Variants in KIFC2 observed in about 807,000 individuals in gnomAD.
The protein encoded by KIFC2 is kinesin-like protein KIFC2.
A neutral mutation model predicts 91.5 loss-of-function variants in KIFC2; 94 were observed. The observed-to-expected ratio is 1.03, with a 90% CI of 0.87 to 1.22. The LOEUF (loss-of-function observed/expected upper bound fraction) is 1.22. Among genes scored for constraint, KIFC2 ranks in the 50% most tolerant of loss-of-function variants. KIFC2 has a pLI of 0.00. For missense variants in KIFC2, 1,357 were observed against 1,103.3 expected (o/e 1.23, Z -3.26); for synonymous variants, 729 against 503.9 (o/e 1.45, Z -5.98).
intron 13 of KIFC2, 36 bp from the exon 14 acceptor site, chr8:144,472,102 G>T (rs370401549): frequency 6.2e-7 from 1 of 1,613,062 alleles, no homozygotes. Context: ...GCATGACTTG[G>T]ATGTGAGCCC....
At chr8:144,471,251 C>A (rs538669193) in intron 12 of KIFC2, among the ~76,000 whole-genome samples, 206 of 152,094 alleles carry the variant, frequency 1.4e-3, no homozygotes, top group Middle Eastern at 6.8e-3. Context: ...GCGTGAGCCA[C>A]CTCGCCCAGC....
In KIFC2 at chr8:144,471,852, C is replaced by T. The variant is rs533276037; in HGVS notation, c.1381-90C>T. On this transcript the variant is annotated intron_variant, in intron 12 of 17. Transcript: ENST00000645548. ...CCCAGGAGACTAGGCTCTGCTCACA[C>T]CTGCCTTCGTGGCACTCCCCACCCC... 3 of 1,148,186 alleles carry T rather than the reference C, an allele frequency of 2.6e-6. No homozygotes were observed. In the Admixed American group the frequency reaches 5.2e-5, roughly 20 times the overall value. 71.1% of individuals were successfully genotyped at this position (1,148,186 alleles called of 1,614,324 possible). A position where few individuals can be genotyped will look rare whatever the true frequency, so the allele number is the denominator to read the frequency against.
intron 16 of KIFC2, 30 bp from the exon 17 acceptor site, chr8:144,472,765 C>G: frequency 6.3e-7 from 1 of 1,591,492 alleles, no homozygotes; most frequent in South Asian, 1.1e-5. Context: ...GCCCGGCCTT[C>G]CCCCATGTCG....
chr8:144,466,088 C>T (rs1461374650), upstream of KIFC2: 1 of 152,086 alleles, frequency 6.6e-6, no homozygotes, highest in East Asian at 2.0e-4. Flanking sequence ...TTGAAGGCTC[C>T]GCGAAACCGG....
intron 5 of KIFC2, 30 bp from the exon 6 acceptor site, chr8:144,467,684 G>A (rs756038777): frequency 9.9e-6 from 16 of 1,611,644 alleles, no homozygotes; most frequent in African/African-American, 1.3e-5. Flanking sequence ...GAAAAAGGAG[G>A]TCCACCCTGT....
At position 144,472,231 on chromosome 8, in the gene KIFC2, A is replaced by G. The variant is rs1824955981; in HGVS notation, c.1579A>G (p.Met527Val). 6.2e-7 allele frequency: 1 copy of G among 1,613,270 alleles called. No individual in the cohort carries two copies. Among genetic ancestry groups the G allele is most frequent in the South Asian group, 1.1e-5 (1 of 91,080 alleles). ...AGRQHRVTLS[M>V]VEIYNEAVRD... is the part of the protein sequence containing the mutation. ...CCGGCAGCACCGGGTGACACTCAGCATGGTGGAGATCTACAATGAGGCTGT... is the reference window on the plus strand; with the variant it reads ...CCGGCAGCACCGGGTGACACTCAGCGTGGTGGAGATCTACAATGAGGCTGT... The change falls in exon 14 of 18, where the codon ATG becomes GTG. Residue 527 changes from methionine to valine, a missense_variant. Met to Val is a conservative substitution (Grantham distance 21). Coordinates refer to ENST00000645548, the MANE Select transcript of KIFC2 (RefSeq NM_001369769.2).
rs1244357946 is a variant in KIFC2 at position 144,473,384 on chromosome 8, C to T, written c.2371C>T (p.Leu791Phe). The T allele has an allele frequency of 1.3e-6, 2 of 1,578,472 alleles. No homozygotes were observed. The highest frequency in any genetic ancestry group is 1.2e-5 in the South Asian group (1 of 86,918). The change falls in exon 18 of 18, where the codon CTC becomes TTC. Residue 791 changes from leucine (L) to phenylalanine (F), a missense_variant. By Grantham distance (22) the Leu-to-Phe change is conservative (BLOSUM62 0). Coordinates refer to ENST00000645548, the MANE Select transcript of KIFC2 (RefSeq NM_001369769.2). ...SALAPAEGLP[L>F] ...TCTCGCGCCCGCAGAGGGCCTGCCC[C>T]TCTAGTCCTGGGTCGCGGCCCTGCC...
chr8:144,472,450 A>T lies in KIFC2; in HGVS notation c.1697A>T (p.His566Leu). 1 of 1,612,330 alleles carries T rather than the reference A, an allele frequency of 6.2e-7. No individual in the cohort carries two copies. Among genetic ancestry groups the T allele is most frequent in the Non-Finnish European group, 8.5e-7 (1 of 1,179,672 alleles). The change falls in exon 15 of 18, where the codon CAC becomes CTC. Residue 566 changes from histidine (H) to leucine (L), a missense_variant. His to Leu is a moderately conservative substitution (Grantham distance 99, BLOSUM62 -3). Coordinates refer to ENST00000645548, the MANE Select transcript of KIFC2 (RefSeq NM_001369769.2). ...QGGIQVAGLT[H>L]WDVPNLETLH... ...GGGATCCAGGTGGCTGGCCTCACCC[A>T]CTGGGACGTGCCCAACCTGGAGACA...
In KIFC2 at chr8:144,467,359, A is replaced by G. The variant is rs759141771; in HGVS notation, c.469+18A>G. 2.3e-5 allele frequency: 37 copies of G among 1,581,780 alleles called. No individual in the cohort carries two copies. Among genetic ancestry groups the G allele is most frequent in the Non-Finnish European group, 2.9e-5 (34 of 1,165,330 alleles). ...TCCAGATGGTGAGTAAAGGACAGTA[A>G]GTTGAAGAAGAACTCTGGAGGGAGC... On this transcript the variant is annotated intron_variant, in intron 4 of 17. Coordinates refer to ENST00000645548, the MANE Select transcript of KIFC2 (RefSeq NM_001369769.2).
Position 144,473,428 on chromosome 8 carries a change from G to A in KIFC2, c.*39G>A, listed in dbSNP as rs1337611201. 2 of 1,551,712 alleles carry A rather than the reference G, an allele frequency of 1.3e-6. No homozygotes were observed. The highest frequency in any genetic ancestry group is 1.7e-6 in the Non-Finnish European group (2 of 1,154,160). ...CCCTGCCCATGGGGTCTCAGGCCAG[G>A]TCTCTGCTGGCAGAGGCGGTAGTAA... On this transcript the variant is annotated 3_prime_UTR_variant, in exon 18 of 18. Transcript: ENST00000645548.
Position 144,468,617 on chromosome 8 carries a change from C to A in KIFC2, c.970C>A (p.Arg324Ser). ...LQQETEQNCR[R>S]ELQQMHGQLA... The stretch of plus-strand genomic sequence containing the variant: ...GCAGGAGACGGAGCAGAACTGCAGG[C>A]GTGAGCTACAGCAGATGCATGGGCA... Residue 324 changes from arginine to serine, a missense_variant, in exon 9 of 18, where the codon CGT becomes AGT. Coordinates refer to ENST00000645548, the MANE Select transcript of KIFC2 (RefSeq NM_001369769.2). 6.2e-7 allele frequency: 1 copy of A among 1,613,342 alleles called. No homozygotes were observed. The highest frequency in any genetic ancestry group is 1.3e-5 in the African/African-American group (1 of 75,012).
At chr8:144,472,299 G>A (rs1824958109) in intron 14 of KIFC2, 40 bp downstream of exon 14, 10 of 1,613,370 alleles carry the variant, frequency 6.2e-6, no homozygotes, top group African/African-American at 2.7e-5. Context: ...CCCACCCCTG[G>A]CCCAGGGCCC....
Position 144,466,790 on chromosome 8 carries a change from C to A in KIFC2, c.130C>A (p.Pro44Thr), listed in dbSNP as rs777343176. ...CCGCAAGCCCCGGGGTCGCCGGCGC[C>A]CAGACCTGCCCGCGCCAGAGCTGTG... Reference protein sequence around the residue: ...RARKPRGRRRPDLPAPELWTE... With the variant: ...RARKPRGRRRTDLPAPELWTE... The change falls in exon 2 of 18, where the codon CCA (proline) becomes ACA (threonine). Residue 44 changes from proline (P) to threonine (T), a missense_variant. Transcript: ENST00000645548. 19 of 1,534,942 alleles carry A rather than the reference C, an allele frequency of 1.2e-5. No individual in the cohort carries two copies. The African/African-American group carries it at 2.3e-4, about 19-fold the overall frequency.
chr8:144,468,293 C>G, intron 7 of KIFC2, 36 bp from the exon 8 acceptor site: 3 of 1,562,212 alleles, frequency 1.9e-6, no homozygotes, highest in South Asian at 2.3e-5. Context: ...CAGACCGTCC[C>G]TCTCTGAGTC....
chr8:144,469,714 C>T (rs765552173), intron 12 of KIFC2, 67 bp downstream of exon 12: 55 of 1,503,454 alleles, frequency 3.7e-5, no homozygotes, highest in Non-Finnish European at 4.7e-5. Flanking sequence ...GGAGAGGCTC[C>T]AGTTTCCCCT....
rs1271514421 is a variant in KIFC2 at position 144,467,540 on chromosome 8, A to G, written c.525A>G (p.Pro175=). ...ACTTCACCGCAGTCCCAGGCGAGCCACTGGGGGATGAGACCCAGGGACAGC... is the reference window on the plus strand; with the variant it reads ...ACTTCACCGCAGTCCCAGGCGAGCCGCTGGGGGATGAGACCCAGGGACAGC... ...PSHFTAVPGE[P]LGDETQGQQP... The change falls in exon 5 of 18, where the codon CCA becomes CCG. Residue 175 remains proline, a synonymous_variant. Coordinates refer to ENST00000645548, the MANE Select transcript of KIFC2 (RefSeq NM_001369769.2). The G allele has an allele frequency of 6.2e-7, 1 of 1,603,776 alleles. No homozygotes were observed. The highest frequency in any genetic ancestry group is 2.2e-5 in the East Asian group (1 of 44,824).
intron 12 of KIFC2, among the ~76,000 whole-genome samples, chr8:144,469,850 A>G (rs1286850598): frequency 6.6e-6 from 1 of 152,206 alleles, no homozygotes; most frequent in Non-Finnish European, 1.5e-5. Flanking sequence ...CCCAGGCTTC[A>G]CTGCCTGCCC....
rs779184830 is a variant in KIFC2 at position 144,473,114 on chromosome 8, C to A, written c.2119-18C>A. ...CGCCGCCCACCCGGGCCCGCCCACCCGCGCCTCTTGCCCGCAGATCTCCAC... is the reference window on the plus strand; with the variant it reads ...CGCCGCCCACCCGGGCCCGCCCACCAGCGCCTCTTGCCCGCAGATCTCCAC... On this transcript the variant is annotated intron_variant, in intron 17 of 17. Transcript: ENST00000645548. 26 of 1,547,800 alleles carry A rather than the reference C, an allele frequency of 1.7e-5. No individual in the cohort carries two copies. The Middle Eastern group carries it at 6.2e-4, about 37-fold the overall frequency.
At position 144,467,060 on chromosome 8, in the gene KIFC2, G is replaced by T. The variant is rs756378315; in HGVS notation, c.280G>T (p.Val94Phe). Residue 94 changes from valine to phenylalanine, a missense_variant, in exon 3 of 18, where the codon GTC becomes TTC. By Grantham distance (50) the Val-to-Phe change is conservative. Coordinates refer to ENST00000645548, the MANE Select transcript of KIFC2 (RefSeq NM_001369769.2). The stretch of plus-strand genomic sequence containing the variant: ...ACTGCGCCTCGCCGAGTTCCTCTCC[G>T]TCCAGCTGGGGGCGGAAGAGAGCTG... ...ALLRLAEFLS[V>F]QLGAEESCGG... 4.4e-6 allele frequency: 7 copies of T among 1,595,444 alleles called. No homozygotes were observed. Among genetic ancestry groups the T allele is most frequent in the Non-Finnish European group, 6.0e-6 (7 of 1,171,576 alleles).
Sources: allele counts gnomAD v4.1 joint callset (sites outside exome capture counted in the v4.1 genomes callset), GRCh38; gene constraint gnomAD v4.1.1; transcripts MANE v1.5; gene names NCBI Gene and HGNC (gene_info 2026-07-23, HGNC 2026-07-21).